The following SLC26A7 variants were observed in gnomAD, a reference collection of about 807,000 sequenced individuals.
SLC26A7 encodes the protein anion exchange transporter.
SLC26A7 carries 59 observed loss-of-function variants against 82.5 expected under a neutral mutation model. The observed-to-expected ratio is 0.72, with a 90% confidence interval of 0.58 to 0.89. The LOEUF is 0.89. Ranked by LOEUF, SLC26A7 falls within the 40% of genes least tolerant of loss-of-function variation. The pLI is 0.00. For synonymous variants in SLC26A7, 271 were observed against 274.3 expected, an observed-to-expected ratio of 0.99 and a Z score of 0.12; for missense variants, 820 against 793.0, an observed-to-expected ratio of 1.03 and a Z score of -0.41.
intron 4 of SLC26A7, among the ~76,000 whole-genome samples, chr8:91,308,635 G>A (rs143183241): frequency 1.1e-4 from 16 of 152,274 alleles, no homozygotes; most frequent in Admixed American, 5.9e-4. Flanking sequence ...CAAGTGGGGA[G>A]TTAATGAGTG....
At chr8:91,276,570 T>C (rs1328266110) in intron 2 of SLC26A7, among the ~76,000 whole-genome samples, 1 of 152,212 alleles carries the variant, frequency 6.6e-6, no homozygotes, top group Non-Finnish European at 1.5e-5. Flanking sequence ...ATTTCTTCTT[T>C]CTGTGCTGAA....
At chr8:91,379,293 T>C (rs1391646447) in intron 15 of SLC26A7, among the ~76,000 whole-genome samples, 1 of 152,130 alleles carries the variant, frequency 6.6e-6, no homozygotes, top group East Asian at 1.9e-4. Flanking sequence ...TACAATAGAA[T>C]ATTTTAATGG....
At chr8:91,291,083 G>A (rs373510765) in intron 3 of SLC26A7, among the ~76,000 whole-genome samples, 3 of 151,984 alleles carry the variant, frequency 2.0e-5, no homozygotes, top group African/African-American at 4.8e-5. Flanking sequence ...ATTTGTGTAC[G>A]TATATATATT....
intron 2 of SLC26A7, among the ~76,000 whole-genome samples, chr8:91,261,607 G>T (rs1026429813): frequency 6.6e-6 from 1 of 152,054 alleles, no homozygotes; most frequent in East Asian, 1.9e-4. Flanking sequence ...GTCTTAAAAA[G>T]CTATCAAGGT....
intron 16 of SLC26A7, among the ~76,000 whole-genome samples, chr8:91,392,195 C>G (rs1808422756): frequency 6.6e-6 from 1 of 152,130 alleles, no homozygotes; most frequent in Non-Finnish European, 1.5e-5. Flanking sequence ...AGTTTTGTAT[C>G]AGTTTGCCCT....
intron 2 of SLC26A7, among the ~76,000 whole-genome samples, chr8:91,255,035 G>T (rs1483119724): frequency 6.6e-6 from 1 of 152,102 alleles, no homozygotes; most frequent in East Asian, 1.9e-4. Context: ...CCATCTGGGG[G>T]AAAGAGATTC....
At chr8:91,211,126 G>A (rs1258586367) in intron 1 of SLC26A7, among the ~76,000 whole-genome samples, 2 of 152,086 alleles carry the variant, frequency 1.3e-5, no homozygotes, top group South Asian at 2.1e-4. Context: ...AACTCAAAAT[G>A]TAGACTTATA....
intron 11 of SLC26A7, among the ~76,000 whole-genome samples, chr8:91,358,904 C>T (rs1041348495): frequency 4.6e-5 from 7 of 151,624 alleles, no homozygotes; most frequent in African/African-American, 7.3e-5. Flanking sequence ...ACACAGGAAG[C>T]GGAACATCAA....
intron 16 of SLC26A7, among the ~76,000 whole-genome samples, chr8:91,390,095 T>C (rs1814913920): frequency 6.6e-6 from 1 of 150,720 alleles, no homozygotes; most frequent in Admixed American, 6.6e-5. Context: ...AAGATTTTTT[T>C]ACCTCCCCAC....
chr8:91,321,312 C>A (rs1812783586), intron 5 of SLC26A7, among the ~76,000 whole-genome samples: 1 of 152,346 alleles, frequency 6.6e-6, no homozygotes, highest in Non-Finnish European at 1.5e-5. Context: ...AGATAACAGA[C>A]TTCTCATAGG....
At chr8:91,236,324 G>A (rs899783202) in intron 2 of SLC26A7, among the ~76,000 whole-genome samples, 3 of 152,064 alleles carry the variant, frequency 2.0e-5, no homozygotes, top group African/African-American at 7.2e-5. Flanking sequence ...AAGTTTTCAG[G>A]GAATAATAGA....
At chr8:91,394,254 C>T in intron 18 of SLC26A7, 1 of 1,613,448 alleles carries the variant, frequency 6.2e-7, no homozygotes, top group Non-Finnish European at 8.5e-7. Context: ...CTTGGATCTT[C>T]CAACAATGCC....
intron 9 of SLC26A7, among the ~76,000 whole-genome samples, chr8:91,350,338 C>G (rs1217157968): frequency 1.3e-5 from 2 of 151,484 alleles, no homozygotes; most frequent in African/African-American, 2.4e-5. Context: ...GAGATCTCTT[C>G]CCAGGTTTCT....
At position 91,309,886 on chromosome 8, in the gene SLC26A7, G is replaced by A. The variant is rs1812429935; in HGVS notation, c.478-8330G>A. On this transcript the variant is annotated intron_variant, in intron 4 of 18. Coordinates refer to ENST00000276609, the MANE Select transcript of SLC26A7 (RefSeq NM_052832.4). The stretch of plus-strand genomic sequence containing the variant: ...GGGAGCATGTATAGTGTGTTTACTG[G>A]AGTCATATGCATGCTAACTCGAGGT... Among the ~76,000 whole-genome samples the A allele has an allele frequency of 1.3e-5, 2 of 152,088 alleles. 1 individual carries two copies. Among genetic ancestry groups the A allele is most frequent in the South Asian group, 4.1e-4 (2 of 4,824 alleles).
chr8:91,299,831 A>G (rs1812113823), intron 4 of SLC26A7, among the ~76,000 whole-genome samples: 1 of 152,234 alleles, frequency 6.6e-6, no homozygotes, highest in African/African-American at 2.4e-5. Flanking sequence ...AAAAAAGGCA[A>G]AGAGCAAACT....
At chr8:91,221,044 C>T (rs997237216) in intron 2 of SLC26A7, among the ~76,000 whole-genome samples, 3 of 152,154 alleles carry the variant, frequency 2.0e-5, no homozygotes, top group African/African-American at 7.2e-5. Flanking sequence ...TGTTCCCTGA[C>T]TTTTTAATAA....
rs1810609699 is a variant in SLC26A7, at chr8:91,249,787, A to G, written c.136A>G (p.Asn46Asp). ...GGCACCACATTACAATCTGAAAGAAAACTTGCTTCCAGACACTGTGTCTGG... is the reference window on the plus strand; with the variant it reads ...GGCACCACATTACAATCTGAAAGAAGACTTGCTTCCAGACACTGTGTCTGG... Reference protein sequence around the residue: ...DWAPHYNLKENLLPDTVSGIM... With the variant: ...DWAPHYNLKEDLLPDTVSGIM... Residue 46 changes from asparagine (N) to aspartate (D), a missense_variant, in exon 2 of 19, where the codon AAC (asparagine) becomes GAC (aspartate). Transcript: ENST00000276609. 6.2e-7 allele frequency: 1 copy of G among 1,612,320 alleles called. No individual in the cohort carries two copies. The highest frequency in any genetic ancestry group is 8.5e-7 in the Non-Finnish European group (1 of 1,179,154).
At chr8:91,221,284 G>T (rs992164308) in intron 2 of SLC26A7, among the ~76,000 whole-genome samples, 9 of 151,942 alleles carry the variant, frequency 5.9e-5, no homozygotes, top group African/African-American at 2.2e-4. Flanking sequence ...TTGTCAGATG[G>T]GTCGATTGCA....
intron 2 of SLC26A7, among the ~76,000 whole-genome samples, chr8:91,280,263 A>G (rs767497589): frequency 3.3e-5 from 5 of 152,164 alleles, no homozygotes; most frequent in African/African-American, 4.8e-5. Flanking sequence ...AACTAATTCT[A>G]TGTGCAATTT....
Sources: allele counts gnomAD v4.1 joint callset (sites outside exome capture counted in the v4.1 genomes callset), GRCh38; gene constraint gnomAD v4.1.1; transcripts MANE v1.5; gene names NCBI Gene and HGNC (gene_info 2026-07-23, HGNC 2026-07-21).